Variants in MIGA1 observed in about 807,000 individuals in gnomAD.
The protein encoded by MIGA1 is family with sequence similarity 73, member A.
MIGA1 carries 58 observed loss-of-function variants against 82.0 expected under a neutral mutation model. That is an observed-to-expected ratio of 0.71 (90% CI 0.57 to 0.88). MIGA1 has a LOEUF of 0.88. Among genes scored for constraint, MIGA1 ranks in the 40% least tolerant of loss-of-function variants. The pLI is 0.00. For missense variants in MIGA1, 751 were observed against 749.1 expected, an observed-to-expected ratio of 1.00 and a Z score of -0.03; for synonymous variants, 249 against 253.6, an observed-to-expected ratio of 0.98 and a Z score of 0.17.
At chr1:77,787,896 A>T (rs1448393661) in intron 2 of MIGA1, among the ~76,000 whole-genome samples, 54 of 146,328 alleles carry the variant, frequency 3.7e-4, no homozygotes, top group African/African-American at 1.3e-3. Context: ...GCTCACTGCA[A>T]CCTCTGCCTC....
At chr1:77,864,365 T>TAAAC (rs1190668307) in intron 13 of MIGA1, among the ~76,000 whole-genome samples, 2 of 150,572 alleles carry the variant, frequency 1.3e-5, no homozygotes, top group Non-Finnish European at 3.0e-5. Context: ...CTCCGTCTCA[T>TAAAC]AAACAAACAA....
chr1:77,793,671 T>C (rs1458781694), intron 2 of MIGA1, among the ~76,000 whole-genome samples: 1 of 151,486 alleles, frequency 6.6e-6, no homozygotes, highest in East Asian at 1.9e-4. Context: ...GGTTTCACCA[T>C]GTTGCCCAGG....
intron 15 of MIGA1, 93 bp from the exon 16 acceptor site, chr1:77,874,753 G>T (rs1646880763): frequency 1.2e-6 from 1 of 832,052 alleles, no homozygotes; most frequent in Non-Finnish European, 1.9e-6. Flanking sequence ...CAGGTCTTCT[G>T]AGTCCTGATT....
At chr1:77,786,012 T>C (rs1682145040) in intron 2 of MIGA1, among the ~76,000 whole-genome samples, 1 of 152,250 alleles carries the variant, frequency 6.6e-6, no homozygotes, top group African/African-American at 2.4e-5. Flanking sequence ...AGCAAACTTC[T>C]GCCTGGGCAT....
chr1:77,861,125 C>A, intron 11 of MIGA1, 99 bp from the exon 12 acceptor site: 1 of 730,880 alleles, frequency 1.4e-6, no homozygotes, highest in Non-Finnish European at 2.3e-6. Flanking sequence ...GTTCAGTTAC[C>A]TAGTAGAATT....
rs1231756222 is a variant in MIGA1, at chr1:77,840,726, C to T, written c.896-2581C>T. On this transcript the variant is annotated intron_variant, in intron 7 of 15. Coordinates refer to ENST00000370791, the MANE Select transcript of MIGA1 (RefSeq NM_198549.4). Reference sequence around the variant, plus strand: ...ACTTGGGAGGCTGAGGCAGGAGAATCGCTTGAATCTGGGAGGTGGAGGTTG... The same window carrying T: ...ACTTGGGAGGCTGAGGCAGGAGAATTGCTTGAATCTGGGAGGTGGAGGTTG... Among the ~76,000 whole-genome samples the T allele has an allele frequency of 5.2e-4, 79 of 152,082 alleles. 1 individual carries two copies. The highest frequency in any genetic ancestry group is 5.0e-3 in the Admixed American group (76 of 15,250).
intron 6 of MIGA1, 130 bp from the exon 7 acceptor site, chr1:77,814,978 C>CTT (rs1683517915): frequency 5.0e-6 from 3 of 596,756 alleles, no homozygotes; most frequent in Non-Finnish European, 7.7e-6. Flanking sequence ...CTGCTGTACT[C>CTT]TTTCCACCAT....
chr1:77,826,041 T>C (rs930590317), intron 7 of MIGA1, among the ~76,000 whole-genome samples: 5 of 152,240 alleles, frequency 3.3e-5, no homozygotes, highest in African/African-American at 7.2e-5. Flanking sequence ...TAAACACTTA[T>C]CTATTCATTA....
intron 9 of MIGA1, 59 bp from the exon 10 acceptor site, chr1:77,859,255 T>G (rs1571006735): frequency 2.1e-6 from 3 of 1,401,442 alleles, no homozygotes; most frequent in Non-Finnish European, 3.0e-6. Flanking sequence ...GAATCCAAAT[T>G]TATAGTAGGC....
chr1:77,780,228 A>G (rs1021688709), intron 1 of MIGA1: 2 of 972,646 alleles, frequency 2.1e-6, no homozygotes, highest in Non-Finnish European at 2.4e-6. Context: ...TTCGGCTTGG[A>G]TGCGGGTGGT....
intron 1 of MIGA1, among the ~76,000 whole-genome samples, chr1:77,780,916 T>TC (rs1402355586): frequency 1.3e-5 from 2 of 150,312 alleles, no homozygotes; most frequent in African/African-American, 4.9e-5. Context: ...TTCTTTTTTT[T>TC]TTTTTTTTGA....
chr1:77,790,932 A>G (rs1682390338), intron 2 of MIGA1, among the ~76,000 whole-genome samples: 1 of 151,986 alleles, frequency 6.6e-6, no homozygotes, highest in South Asian at 2.1e-4. Context: ...TCTGTTTTCC[A>G]TCTATAGTTT....
chr1:77,789,745 G>A (rs982786131), intron 2 of MIGA1, among the ~76,000 whole-genome samples: 2 of 151,448 alleles, frequency 1.3e-5, no homozygotes, highest in African/African-American at 4.9e-5. Flanking sequence ...TAAAACCCTC[G>A]TAATCCTTGC....
At chr1:77,854,276 T>A (rs147686633) in intron 8 of MIGA1, among the ~76,000 whole-genome samples, 4 of 152,358 alleles carry the variant, frequency 2.6e-5, no homozygotes, top group African/African-American at 9.6e-5. Context: ...AGTTTCTTTA[T>A]CCACTTGTCG....
chr1:77,795,734 A>AT (rs1682627692), intron 2 of MIGA1, among the ~76,000 whole-genome samples: 1 of 149,744 alleles, frequency 6.7e-6, no homozygotes, highest in Admixed American at 6.7e-5. Flanking sequence ...GGTTCAAGCG[A>AT]TTCTCCTGCC....
intron 2 of MIGA1, among the ~76,000 whole-genome samples, chr1:77,792,786 CTTTTTTT>C (rs888755051): frequency 4.1e-5 from 5 of 121,614 alleles, no homozygotes; most frequent in African/African-American, 1.5e-4. Context: ...GGATTGTTTG[CTTTTTTT>C]TTTTTTTTTT....
chr1:77,858,796 T>A, intron 8 of MIGA1, 142 bp from the exon 9 acceptor site: 2 of 544,612 alleles, frequency 3.7e-6, no homozygotes, highest in Non-Finnish European at 6.6e-6. Flanking sequence ...TTTTTTTAGA[T>A]TTTTGTAGAG....
intron 1 of MIGA1, among the ~76,000 whole-genome samples, chr1:77,780,857 A>G (rs915127918): frequency 2.0e-5 from 3 of 151,274 alleles, no homozygotes; most frequent in African/African-American, 7.3e-5. Flanking sequence ...AAAAAGAATG[A>G]GGTAGTTAGA....
intron 1 of MIGA1, among the ~76,000 whole-genome samples, chr1:77,781,416 G>T (rs1005815890): frequency 7.9e-5 from 12 of 152,168 alleles, no homozygotes; most frequent in Non-Finnish European, 1.3e-4. Context: ...AAAATAAAAT[G>T]TGTTAATATT....
Sources: allele counts gnomAD v4.1 joint callset (sites outside exome capture counted in the v4.1 genomes callset), GRCh38; gene constraint gnomAD v4.1.1; transcripts MANE v1.5; gene names NCBI Gene and HGNC (gene_info 2026-07-23, HGNC 2026-07-21).